The following MRM1 variants were observed in gnomAD, a reference collection of about 807,000 sequenced individuals.
The protein encoded by MRM1 is mitochondrial rRNA methyltransferase 1, also known as rRNA methyltransferase 1, mitochondrial.
MRM1 carries 24 observed loss-of-function variants against 25.0 expected under a neutral mutation model. That is an observed-to-expected ratio of 0.96 (90% CI 0.69 to 1.35). The LOEUF (loss-of-function observed/expected upper bound fraction) is 1.35, where lower values mean the gene tolerates loss of function less well. MRM1 is among the 40% of genes most tolerant of loss of function. The pLI, the probability that MRM1 is intolerant of heterozygous loss-of-function variation, is 0.00. For synonymous variants in MRM1, 188 were observed against 199.2 expected (o/e 0.94, Z 0.47); for missense variants, 431 against 464.1 (o/e 0.93, Z 0.65).
chr17:36,624,118 C>G, the MRM1 span, among the ~76,000 whole-genome samples: 2 of 152,182 alleles, frequency 1.3e-5, no homozygotes, highest in African/African-American at 4.8e-5. The surrounding 1 kb of genome is among the most constrained non-coding windows in gnomAD (Gnocchi z 4.0). Flanking sequence ...AGCTGTGAAA[C>G]AAGCACCGCC....
chr17:36,623,759 GTTGGGA>G, the MRM1 span, among the ~76,000 whole-genome samples: 1 of 152,176 alleles, frequency 6.6e-6, no homozygotes, highest in Non-Finnish European at 1.5e-5. Flanking sequence ...CTTGAGGCTT[GTTGGGA>G]TTGGGGGAGA....
In MRM1 at chr17:36,608,393, AAG is replaced by A; in HGVS notation, c.1045_1046del (p.Arg349AlafsTer3). 4 of 1,578,374 alleles carry A rather than the reference AAG, an allele frequency of 2.5e-6. No homozygotes were observed. Among genetic ancestry groups the A allele is most frequent in the Non-Finnish European group, 2.6e-6 (3 of 1,163,408 alleles). ...CCAGGGCTGTCTTCAGGCCCAGAGAAAGAGAGGCAAAATGAGGGCTGACGTGG... is the reference window on the plus strand; with the variant it reads ...CCAGGGCTGTCTTCAGGCCCAGAGAAAGAGGCAAAATGAGGGCTGACGTGG... On this transcript the variant is annotated frameshift_variant, in exon 5 of 5. Coordinates refer to ENST00000614766, the MANE Select transcript of MRM1 (RefSeq NM_024864.5). LOFTEE classifies it high-confidence loss of function.
At chr17:36,625,992 C>T in the MRM1 span, among the ~76,000 whole-genome samples, 8 of 148,294 alleles carry the variant, frequency 5.4e-5, no homozygotes, top group African/African-American at 1.0e-4. Context: ...CATGCCCCCC[C>T]GCCGACCCCC....
the MRM1 span, among the ~76,000 whole-genome samples, chr17:36,625,248 G>A: frequency 6.6e-6 from 1 of 152,010 alleles, no homozygotes; most frequent in Non-Finnish European, 1.5e-5. Flanking sequence ...TTGCCTCCAC[G>A]ATAAAGTACA....
At position 36,608,443 on chromosome 17, in the gene MRM1, T is replaced by G. The variant is rs749665542; in HGVS notation, c.*28T>G. The stretch of plus-strand genomic sequence containing the variant: ...TGGACTGTCCACAGTGTTCATGTGC[T>G]GGAGTCAGGGACGGCCGCACCTGCC... On this transcript the variant is annotated 3_prime_UTR_variant, in exon 5 of 5. Transcript: ENST00000614766. 4 of 1,441,738 alleles carry G rather than the reference T, an allele frequency of 2.8e-6. No homozygotes were observed. The highest frequency in any genetic ancestry group is 3.7e-6 in the Non-Finnish European group (4 of 1,091,252). The allele number at this position is 1,441,738 out of a possible 1,614,324, so 89.3% of individuals were successfully genotyped here.
chr17:36,607,599 A>T (rs888770371), intron 2 of MRM1, 71 bp from the exon 3 acceptor site: 27 of 1,518,124 alleles, frequency 1.8e-5, no homozygotes, highest in Middle Eastern at 3.7e-4. Flanking sequence ...CTCCAGCCTG[A>T]GCGAGAGTAA....
the MRM1 span, among the ~76,000 whole-genome samples, chr17:36,624,682 C>T: frequency 6.6e-6 from 1 of 152,154 alleles, no homozygotes; most frequent in African/African-American, 2.4e-5. This position sits in a 1 kb window ranked among gnomAD's most constrained non-coding sequence, Gnocchi z 4.0. Context: ...TCTCTTCTTG[C>T]TTTTGGGATG....
chr17:36,621,835 G>T, the MRM1 span, among the ~76,000 whole-genome samples: 1 of 152,032 alleles, frequency 6.6e-6, no homozygotes, highest in Admixed American at 6.5e-5. Context: ...TTCTGGGGAG[G>T]GAGTATTTCC....
chr17:36,611,769 C>T (rs150445249), downstream of MRM1, among the ~76,000 whole-genome samples: 8 of 152,288 alleles, frequency 5.3e-5, no homozygotes, highest in East Asian at 1.2e-3. Context: ...GGATCTCAAG[C>T]GTGCTGGCCT....
the MRM1 span, among the ~76,000 whole-genome samples, chr17:36,628,708 C>T: frequency 1.3e-5 from 2 of 152,284 alleles, no homozygotes; most frequent in South Asian, 4.2e-4. Flanking sequence ...CTCTGATAAG[C>T]AGCTGACACT....
At chr17:36,627,496 CT>C in the MRM1 span, among the ~76,000 whole-genome samples, 1 of 152,224 alleles carries the variant, frequency 6.6e-6, no homozygotes, top group Non-Finnish European at 1.5e-5. Context: ...CTGGTTACCC[CT>C]GGCCTGTGGG....
At chr17:36,624,363 CTG>C in the MRM1 span, among the ~76,000 whole-genome samples, 1 of 152,200 alleles carries the variant, frequency 6.6e-6, no homozygotes, top group South Asian at 2.1e-4. This position sits in a 1 kb window ranked among gnomAD's most constrained non-coding sequence, Gnocchi z 4.0. Context: ...CAAGGCAGCT[CTG>C]TGCATAGACC....
In MRM1 at chr17:36,608,584, T is replaced by G; in HGVS notation, c.*169T>G. 1 of 447,784 alleles carries G rather than the reference T, an allele frequency of 2.2e-6. No homozygotes were observed. The highest frequency in any genetic ancestry group is 3.9e-6 in the Non-Finnish European group (1 of 259,312). 27.7% of individuals were successfully genotyped at this position (447,784 alleles called of 1,614,324 possible). On this transcript the variant is annotated 3_prime_UTR_variant, in exon 5 of 5. Transcript: ENST00000614766. ...TGCGGTGGACACCAGAGGAAGCTGTTTCCTGTTGTGATGTTGGACCTGTAG... is the reference window on the plus strand; with the variant it reads ...TGCGGTGGACACCAGAGGAAGCTGTGTCCTGTTGTGATGTTGGACCTGTAG...
Position 36,608,869 on chromosome 17 carries a change from T to C in MRM1, c.*454T>C, listed in dbSNP as rs1054336020. The C allele has an allele frequency of 7.4e-5, 12 of 161,718 alleles. No individual in the cohort carries two copies. The highest frequency in any genetic ancestry group is 1.3e-4 in the Admixed American group (2 of 15,522). The allele number at this position is 161,718 out of a possible 1,614,324, so 10.0% of individuals were successfully genotyped here. ...CTCAGGCCCACACACGGCCCCGCCC[T>C]GGGGCCTTGAGCGCAGGCCTCATCT... On this transcript the variant is annotated 3_prime_UTR_variant, in exon 5 of 5. Transcript: ENST00000614766.
chr17:36,609,934 C>CA (rs1555612409), downstream of MRM1, among the ~76,000 whole-genome samples: 1 of 151,340 alleles, frequency 6.6e-6, no homozygotes, highest in Non-Finnish European at 1.5e-5. Flanking sequence ...GCCTATGCTC[C>CA]TTTTTTTTTG....
chr17:36,602,322 T>C lies in MRM1; in HGVS notation c.512T>C (p.Val171Ala). ...AVLRSAHFLG[V>A]DKVITSRRNS... Reference sequence around the variant, plus strand: ...CTGCGTTCCGCACACTTCCTCGGAGTGGATAAGGTCATCACCAGCCGGAGA... The same window carrying C: ...CTGCGTTCCGCACACTTCCTCGGAGCGGATAAGGTCATCACCAGCCGGAGA... Residue 171 changes from valine (V) to alanine (A), a missense_variant, in exon 1 of 5, where the codon GTG (valine) becomes GCG (alanine). Transcript: ENST00000614766. The surrounding 1 kb of genome is among the most constrained non-coding windows in gnomAD (Gnocchi z 4.1). 2 of 1,574,530 alleles carry C rather than the reference T, an allele frequency of 1.3e-6. No individual in the cohort carries two copies. The highest frequency in any genetic ancestry group is 2.7e-5 in the African/African-American group (2 of 73,788).
chr17:36,629,878 C>T, the MRM1 span, among the ~76,000 whole-genome samples: 1 of 152,162 alleles, frequency 6.6e-6, no homozygotes, highest in Admixed American at 6.5e-5. Flanking sequence ...TCTGCCTTGC[C>T]CTTGGACAAG....
At chr17:36,616,766 T>A in the MRM1 span, among the ~76,000 whole-genome samples, 1 of 152,234 alleles carries the variant, frequency 6.6e-6, no homozygotes, top group Non-Finnish European at 1.5e-5. Flanking sequence ...GGTCTTGCTC[T>A]GTTGCCCAGG....
At chr17:36,609,336 G>T (rs2074959732), downstream of MRM1, among the ~76,000 whole-genome samples, 1 of 152,250 alleles carries the variant, frequency 6.6e-6, no homozygotes, top group South Asian at 2.1e-4. Context: ...ACACCAGAGA[G>T]TCTGACATGA....
Sources: allele counts gnomAD v4.1 joint callset (sites outside exome capture counted in the v4.1 genomes callset), GRCh38; gene constraint gnomAD v4.1.1; non-coding constraint Gnocchi (gnomAD v3.1); transcripts MANE v1.5; gene names NCBI Gene and HGNC (gene_info 2026-07-23, HGNC 2026-07-21).